Variants in GLYR1 observed in about 807,000 individuals in gnomAD.
The protein encoded by GLYR1 is cytokine-like nuclear factor N-PAC.
In GLYR1, 21 loss-of-function variants were observed where a neutral mutation model predicts 72.7. That is an observed-to-expected ratio of 0.29 (90% CI 0.20 to 0.42). GLYR1 has a LOEUF of 0.42. Among genes scored for constraint, GLYR1 ranks in the 10% least tolerant of loss-of-function variants. The pLI is 1.00. For synonymous variants in GLYR1, 392 were observed against 270.2 expected (o/e 1.45, Z -4.42); for missense variants, 594 against 712.1 (o/e 0.83, Z 1.89).
chr16:4,820,526 T>C (rs985448598), intron 9 of GLYR1, among the ~76,000 whole-genome samples: 1 of 152,178 alleles, frequency 6.6e-6, no homozygotes, highest in Non-Finnish European at 1.5e-5. Flanking sequence ...TTTAACACAA[T>C]CCTCCTCCCC....
intron 12 of GLYR1, 84 bp downstream of exon 12, chr16:4,813,653 A>G (rs1217215476): frequency 5.0e-6 from 6 of 1,188,726 alleles, no homozygotes; most frequent in Non-Finnish European, 6.1e-6. Context: ...GCTCTAGAGT[A>G]ACTTAACTGC....
intron 7 of GLYR1, 101 bp downstream of exon 7, chr16:4,822,774 C>T (rs1179591504): frequency 2.0e-5 from 19 of 967,210 alleles, no homozygotes; most frequent in South Asian, 2.6e-5. Flanking sequence ...GGCAATACAC[C>T]GGCAGAGCCT....
chr16:4,805,390 G>A, intron 15 of GLYR1, 80 bp from the exon 16 acceptor site: 1 of 1,229,410 alleles, frequency 8.1e-7, no homozygotes, highest in East Asian at 2.4e-5. Context: ...AGGCAGTGGT[G>A]GATGTGGCCA....
intron 3 of GLYR1, among the ~76,000 whole-genome samples, chr16:4,844,261 CAG>C (rs1224873147): frequency 3.9e-5 from 6 of 152,172 alleles, no homozygotes; most frequent in Non-Finnish European, 7.3e-5. Context: ...GTTATATGGT[CAG>C]AGTCTCAGAT....
intron 10 of GLYR1, among the ~76,000 whole-genome samples, chr16:4,815,894 G>A (rs1329690305): frequency 1.3e-5 from 2 of 151,830 alleles, no homozygotes; most frequent in African/African-American, 4.8e-5. Flanking sequence ...CCATTCTCCT[G>A]CCTCAGCCTC....
At chr16:4,843,709 G>T (rs1261107812) in intron 3 of GLYR1, 2 of 1,148,390 alleles carry the variant, frequency 1.7e-6, no homozygotes, top group Middle Eastern at 3.2e-4. Context: ...TTAACCGTCA[G>T]AATTAGATTT....
chr16:4,837,635 A>G (rs555248907), intron 3 of GLYR1, among the ~76,000 whole-genome samples: 1 of 152,100 alleles, frequency 6.6e-6, no homozygotes, highest in South Asian at 2.1e-4. Context: ...GAAAAAGCAC[A>G]CACACACAAG....
intron 15 of GLYR1, among the ~76,000 whole-genome samples, chr16:4,805,732 C>T (rs1298165254): frequency 1.3e-5 from 2 of 151,960 alleles, no homozygotes; most frequent in African/African-American, 4.8e-5. Flanking sequence ...AATCCCAGCA[C>T]TTTAGGAGGC....
intron 5 of GLYR1, among the ~76,000 whole-genome samples, chr16:4,824,722 C>T (rs568447103): frequency 6.6e-6 from 1 of 152,222 alleles, no homozygotes; most frequent in African/African-American, 2.4e-5. Context: ...AGCTCCTCTT[C>T]ATCGATGGCC....
Position 4,811,786 on chromosome 16 carries a change from T to C in GLYR1, c.1299A>G (p.Ala433=). 3.7e-6 allele frequency: 6 copies of C among 1,613,406 alleles called. No individual in the cohort carries two copies. Among genetic ancestry groups the C allele is most frequent in the Non-Finnish European group, 5.1e-6 (6 of 1,179,612 alleles). ...TGTTCACGATCAGCATCATCTTGGC[T>C]GCATTGCCCACTTCACCTGCCCAGG... is the stretch of plus-strand genomic sequence containing the variant. ...TSFFLGEVGN[A]AKMMLIVNMV... The change falls in exon 14 of 16, where the codon GCA becomes GCG. Residue 433 remains alanine (A), a synonymous_variant. Coordinates refer to ENST00000321919, the MANE Select transcript of GLYR1 (RefSeq NM_032569.4).
intron 6 of GLYR1, 81 bp downstream of exon 6, chr16:4,823,740 G>C: frequency 1.1e-6 from 1 of 928,868 alleles, no homozygotes; most frequent in Non-Finnish European, 1.6e-6. Flanking sequence ...ACAAGAAAGG[G>C]ACAAAAAAAA....
At chr16:4,831,087 G>A (rs562753998) in intron 5 of GLYR1, among the ~76,000 whole-genome samples, 1 of 152,218 alleles carries the variant, frequency 6.6e-6, no homozygotes, top group South Asian at 2.1e-4. Context: ...CTACTTTTAA[G>A]AAAGTGATGA....
chr16:4,812,900 C>T (rs1232955923), intron 12 of GLYR1, among the ~76,000 whole-genome samples: 3 of 151,850 alleles, frequency 2.0e-5, no homozygotes, highest in Non-Finnish European at 2.9e-5. Context: ...GGGTTCATGC[C>T]ATTCTCCTGC....
intron 3 of GLYR1, 102 bp from the exon 4 acceptor site, chr16:4,833,014 C>T: frequency 8.7e-7 from 1 of 1,143,422 alleles, no homozygotes; most frequent in Non-Finnish European, 1.2e-6. Flanking sequence ...TTTGGTTTAA[C>T]TGGACTTTGC....
At chr16:4,806,992 G>C (rs1431526862) in intron 15 of GLYR1, among the ~76,000 whole-genome samples, 10 of 151,664 alleles carry the variant, frequency 6.6e-5, no homozygotes, top group African/African-American at 1.9e-4. Flanking sequence ...ATTTTTAGTA[G>C]AGACAGGGTT....
chr16:4,805,229 C>T lies in GLYR1; in HGVS notation c.*7G>A, dbSNP rs200356475. ...GATTGGAGGGGTGAGGGCGGGGTGT[C>T]GACAGCTTAGTGTATGTAGGCTCGG... On this transcript the variant is annotated 3_prime_UTR_variant, in exon 16 of 16. Transcript: ENST00000321919. 61 of 1,613,496 alleles carry T rather than the reference C, an allele frequency of 3.8e-5. No individual in the cohort carries two copies. The highest frequency in any genetic ancestry group is 2.9e-4 in the African/African-American group (22 of 74,982).
intron 3 of GLYR1, among the ~76,000 whole-genome samples, chr16:4,842,652 T>C (rs570490381): frequency 2.0e-5 from 3 of 152,188 alleles, no homozygotes; most frequent in African/African-American, 7.2e-5. Context: ...TGAGCCACTG[T>C]GCCCAGCCTA....
At chr16:4,816,300 C>T (rs1186253476) in intron 10 of GLYR1, among the ~76,000 whole-genome samples, 1 of 152,032 alleles carries the variant, frequency 6.6e-6, no homozygotes. Context: ...GCAGGTGCCA[C>T]CTCACTCAGC....
intron 2 of GLYR1, 67 bp from the exon 3 acceptor site, chr16:4,845,220 A>G: frequency 1.9e-6 from 2 of 1,033,572 alleles, no homozygotes; most frequent in Non-Finnish European, 3.1e-6. Context: ...GTGGCTCCAC[A>G]TTGCTCTACA....
Sources: gnomAD v4.1 joint callset for allele counts (sites outside exome capture counted in the v4.1 genomes callset) on GRCh38, gnomAD v4.1.1 for gene constraint, MANE v1.5 for transcripts, NCBI Gene and HGNC (gene_info 2026-07-23, HGNC 2026-07-21) for gene names.